Variants in CDH18 observed in about 807,000 individuals in gnomAD.
The protein encoded by CDH18 is cadherin-18.
A neutral mutation model predicts 67.9 loss-of-function variants in CDH18; 31 were observed. The ratio of observed to expected loss-of-function variants is 0.46; its 90% CI spans 0.34 to 0.62. The LOEUF (loss-of-function observed/expected upper bound fraction) is 0.62, where lower values mean the gene tolerates loss of function less well. Among genes scored for constraint, CDH18 ranks in the 20% least tolerant of loss-of-function variants. The pLI, the probability that CDH18 is intolerant of heterozygous loss-of-function variation, is 0.01. For synonymous variants in CDH18, 362 were observed against 347.2 expected (o/e 1.04, Z -0.48); for missense variants, 890 against 975.5 (o/e 0.91, Z 1.17).
At chr5:19,536,304 GTT>G (rs1407768840) in intron 9 of CDH18, among the ~76,000 whole-genome samples, 1 of 152,172 alleles carries the variant, frequency 6.6e-6, no homozygotes, top group Admixed American at 6.5e-5. Flanking sequence ...AACTTTTACA[GTT>G]GTGACATTTG....
chr5:20,249,459 T>G lies in CDH18; in HGVS notation c.-518+5985A>C, dbSNP rs1194122564. Among the ~76,000 whole-genome samples, 8 of 148,922 alleles carry G rather than the reference T, an allele frequency of 5.4e-5. No homozygotes were observed. In the Admixed American group the frequency reaches 5.5e-4, roughly 10 times the overall value. ...GTTCAGTGGCGCGATATTGGCTCAC[T>G]GCAAGCTCCGCCTTCCGGGTTCACG... On this transcript the variant is annotated intron_variant, in intron 2 of 14. Transcript: ENST00000507958.
Position 19,483,293 on chromosome 5 carries a change from T to G in CDH18, c.1882+8A>C. ...CATCATGCAAACTTAGGGTTTAGAA[T>G]GACTTACCCAGGAGAATGAGAACAC... On this transcript the variant is annotated splice_region_variant and intron_variant, in intron 12 of 12. Transcript: ENST00000382275. 2 of 1,605,768 alleles carry G rather than the reference T, an allele frequency of 1.2e-6. No homozygotes were observed. The highest frequency in any genetic ancestry group is 1.1e-5 in the South Asian group (1 of 90,128).
intron 3 of CDH18, among the ~76,000 whole-genome samples, chr5:19,783,754 A>C (rs760316680): frequency 6.6e-6 from 1 of 152,196 alleles, no homozygotes; most frequent in African/African-American, 2.4e-5. Context: ...ACATTAATAC[A>C]ATGTCTGACA....
intron 1 of CDH18, among the ~76,000 whole-genome samples, chr5:20,512,725 A>T (rs1414139310): frequency 6.6e-6 from 1 of 151,926 alleles, no homozygotes; most frequent in East Asian, 1.9e-4. Context: ...CTCTACTAAA[A>T]ATACAAAAAT....
At chr5:20,430,701 G>T (rs753482326) in intron 1 of CDH18, among the ~76,000 whole-genome samples, 8 of 152,176 alleles carry the variant, frequency 5.3e-5, no homozygotes, top group Non-Finnish European at 8.8e-5. Flanking sequence ...TGGTGAGCCA[G>T]AAGTGCACAT....
At chr5:20,001,118 G>T (rs1301673866) in intron 2 of CDH18, among the ~76,000 whole-genome samples, 3 of 152,288 alleles carry the variant, frequency 2.0e-5, no homozygotes, top group South Asian at 2.1e-4. Context: ...ATTGTCAAAT[G>T]AAGTCTCATA....
chr5:19,680,675 T>C (rs916330493), intron 5 of CDH18, among the ~76,000 whole-genome samples: 2 of 151,838 alleles, frequency 1.3e-5, no homozygotes, highest in African/African-American at 2.4e-5. Context: ...ATACTCAAAA[T>C]CACTCATCAT....
intron 5 of CDH18, among the ~76,000 whole-genome samples, chr5:19,660,111 C>A (rs1756955369): frequency 1.3e-5 from 2 of 151,988 alleles, no homozygotes. Flanking sequence ...CACAAGAATA[C>A]GTGTATGTTC....
chr5:19,964,942 C>T lies in CDH18; in HGVS notation c.-257+16118G>A, dbSNP rs891021050. Among the ~76,000 whole-genome samples, 3 of 152,110 alleles carry T rather than the reference C, an allele frequency of 2.0e-5. No individual in the cohort carries two copies. In the East Asian group the frequency reaches 5.8e-4, roughly 29 times the overall value. On this transcript the variant is annotated intron_variant, in intron 2 of 12. Transcript: ENST00000382275. Reference sequence around the variant, plus strand: ...CTTTAAATAGCATGATATTGAAATACTTAAGTTTATTAAAACATTCAATGA... The same window carrying T: ...CTTTAAATAGCATGATATTGAAATATTTAAGTTTATTAAAACATTCAATGA...
At chr5:19,561,013 T>C (rs577315024) in intron 8 of CDH18, among the ~76,000 whole-genome samples, 1 of 152,206 alleles carries the variant, frequency 6.6e-6, no homozygotes, top group African/African-American at 2.4e-5. Context: ...AAATAATAGA[T>C]GTTGGCATGG....
At chr5:20,328,697 T>C (rs1396279833) in intron 1 of CDH18, among the ~76,000 whole-genome samples, 1 of 152,190 alleles carries the variant, frequency 6.6e-6, no homozygotes, top group Non-Finnish European at 1.5e-5. Context: ...TCAATCACTT[T>C]TTGATTCCCA....
chr5:20,570,856 C>A (rs1305594613), intron 1 of CDH18, among the ~76,000 whole-genome samples: 1 of 152,154 alleles, frequency 6.6e-6, no homozygotes, highest in Non-Finnish European at 1.5e-5. Flanking sequence ...CACACACATT[C>A]TCATCCAATC....
In CDH18 at chr5:20,338,323, T is replaced by C. The variant is rs143023849; in HGVS notation, c.-579-82818A>G. 5.3e-5 allele frequency among the ~76,000 whole-genome samples: 8 copies of C among 152,346 alleles called. No homozygotes were observed. The East Asian group carries it at 1.5e-3, about 29-fold the overall frequency. On this transcript the variant is annotated intron_variant, in intron 1 of 14. Coordinates refer to the CDH18 transcript ENST00000507958. Reference sequence around the variant, plus strand: ...GCCCCAAACCTCTCTTTACAATGTCTGCCTGGAAAGAAAGTATTTGGAGGA... The same window carrying C: ...GCCCCAAACCTCTCTTTACAATGTCCGCCTGGAAAGAAAGTATTTGGAGGA...
intron 2 of CDH18, among the ~76,000 whole-genome samples, chr5:20,024,836 A>G (rs1738753867): frequency 6.6e-6 from 1 of 152,188 alleles, no homozygotes; most frequent in South Asian, 2.1e-4. Context: ...TAGAATACTT[A>G]GAAGCAATTA....
At chr5:20,016,724 T>C (rs1015087162) in intron 2 of CDH18, among the ~76,000 whole-genome samples, 1 of 152,136 alleles carries the variant, frequency 6.6e-6, no homozygotes, top group East Asian at 1.9e-4. Context: ...CTAGGAAGAA[T>C]GTATGGACTA....
chr5:20,336,618 G>C (rs1020431247), intron 1 of CDH18, among the ~76,000 whole-genome samples: 1 of 149,812 alleles, frequency 6.7e-6, no homozygotes, highest in Non-Finnish European at 1.5e-5. Context: ...AGCTACTCTG[G>C]AGGCTGAGGC....
At chr5:19,572,503 T>C (rs907785793) in intron 7 of CDH18, among the ~76,000 whole-genome samples, 2 of 152,194 alleles carry the variant, frequency 1.3e-5, no homozygotes, top group African/African-American at 4.8e-5. Context: ...GTCAATATCA[T>C]AGTCAATTCA....
At chr5:20,342,933 G>T (rs1338418296) in intron 1 of CDH18, among the ~76,000 whole-genome samples, 1 of 152,096 alleles carries the variant, frequency 6.6e-6, no homozygotes, top group Non-Finnish European at 1.5e-5. Flanking sequence ...AGCTGGGAGG[G>T]TCCAGAAGAT....
At chr5:20,403,865 C>G (rs145501416) in intron 1 of CDH18, among the ~76,000 whole-genome samples, 1 of 152,062 alleles carries the variant, frequency 6.6e-6, no homozygotes, top group South Asian at 2.1e-4. Flanking sequence ...CTTCTCTCTA[C>G]ATGAAAGTTT....
Sources: allele counts gnomAD v4.1 joint callset (sites outside exome capture counted in the v4.1 genomes callset), GRCh38; gene constraint gnomAD v4.1.1; transcripts MANE v1.5; gene names NCBI Gene and HGNC (gene_info 2026-07-23, HGNC 2026-07-21).